VRK2: variants seen among roughly 807,000 people sequenced by gnomAD.
VRK2 encodes the protein serine/threonine-protein kinase VRK2.
In VRK2, 60 loss-of-function variants were observed where a neutral mutation model predicts 57.6. That is an observed-to-expected ratio of 1.04 (90% CI 0.85 to 1.29). VRK2 has a LOEUF of 1.29. Among genes scored for constraint, VRK2 ranks in the 50% most tolerant of loss-of-function variants. The pLI, the probability that VRK2 is intolerant of heterozygous loss-of-function variation, is 0.00. For missense variants in VRK2, 705 were observed against 588.1 expected (o/e 1.20, Z -2.06); for synonymous variants, 231 against 199.2 (o/e 1.16, Z -1.35).
chr2:58,082,304 A>C (rs1208682095), intron 2 of VRK2, among the ~76,000 whole-genome samples: 2 of 151,762 alleles, frequency 1.3e-5, no homozygotes, highest in African/African-American at 4.8e-5. Context: ...ATAATCTGTT[A>C]TTTATCTTTT....
chr2:57,993,876 G>A (rs1270118061), intron 1 of VRK2, among the ~76,000 whole-genome samples: 2 of 152,214 alleles, frequency 1.3e-5, no homozygotes, highest in East Asian at 3.8e-4. Context: ...AAGCTAGCCT[G>A]GAGACAGGGG....
At chr2:58,147,191 T>C (rs746579172) in intron 12 of VRK2, 11 of 517,990 alleles carry the variant, frequency 2.1e-5, no homozygotes, top group African/African-American at 1.7e-4. Flanking sequence ...ATCACTAAAC[T>C]GAGCACTGAA....
chr2:58,070,404 C>A (rs1442218266), intron 2 of VRK2, among the ~76,000 whole-genome samples: 1 of 152,056 alleles, frequency 6.6e-6, no homozygotes, highest in Non-Finnish European at 1.5e-5. Flanking sequence ...ATGTGTCCAC[C>A]ATTACAGTCT....
intron 2 of VRK2, among the ~76,000 whole-genome samples, chr2:58,064,839 AAT>A (rs1668404267): frequency 6.6e-6 from 1 of 152,160 alleles, no homozygotes; most frequent in Admixed American, 6.6e-5. Context: ...TTATTTTAAA[AAT>A]ATGTGTGATT....
intron 8 of VRK2, among the ~76,000 whole-genome samples, chr2:58,131,277 T>TA (rs1382862838): frequency 6.6e-6 from 1 of 150,600 alleles, no homozygotes; most frequent in Non-Finnish European, 1.5e-5. Flanking sequence ...ACCCTTTTTT[T>TA]AATACTGCAC....
chr2:57,943,962 G>A (rs544587248), intron 1 of VRK2, among the ~76,000 whole-genome samples: 1 of 152,274 alleles, frequency 6.6e-6, no homozygotes, highest in Non-Finnish European at 1.5e-5. Flanking sequence ...TAAATGAAAT[G>A]GGTGTATCTG....
intron 2 of VRK2, among the ~76,000 whole-genome samples, chr2:58,054,807 A>G (rs1676275339): frequency 6.6e-6 from 1 of 152,190 alleles, no homozygotes; most frequent in Non-Finnish European, 1.5e-5. Context: ...TTTGTCCCTG[A>G]TAGCTCCATC....
chr2:57,958,309 G>A (rs1275965271), intron 1 of VRK2, among the ~76,000 whole-genome samples: 4 of 151,914 alleles, frequency 2.6e-5, no homozygotes, highest in African/African-American at 9.7e-5. Flanking sequence ...TCCAGAAAAA[G>A]AAATCAAATG....
chr2:58,144,358 T>C (rs1430278705), intron 11 of VRK2, among the ~76,000 whole-genome samples: 2 of 152,104 alleles, frequency 1.3e-5, no homozygotes, highest in Non-Finnish European at 2.9e-5. Context: ...CTGTGTTGTA[T>C]TCTTGAAATC....
intron 2 of VRK2, among the ~76,000 whole-genome samples, chr2:58,073,347 A>C (rs1465636067): frequency 6.6e-6 from 1 of 151,916 alleles, no homozygotes; most frequent in African/African-American, 2.4e-5. Flanking sequence ...TGTCAGTTCA[A>C]CCGTATTCTT....
intron 1 of VRK2, among the ~76,000 whole-genome samples, chr2:57,917,570 C>T (rs931591168): frequency 6.7e-6 from 1 of 149,590 alleles, no homozygotes; most frequent in Non-Finnish European, 1.5e-5. Flanking sequence ...TGGTTTCCTG[C>T]TTTCAACCAA....
At chr2:58,108,810 C>A (rs921306535) in intron 7 of VRK2, among the ~76,000 whole-genome samples, 1 of 152,182 alleles carries the variant, frequency 6.6e-6, no homozygotes, top group African/African-American at 2.4e-5. Context: ...CTATGTGAGG[C>A]ACATGGAAAA....
chr2:58,073,651 TATTTA>T (rs1669662575), intron 2 of VRK2, among the ~76,000 whole-genome samples: 3 of 16,328 alleles, frequency 1.8e-4, no homozygotes, highest in Non-Finnish European at 1.2e-4. Context: ...TATATATATA[TATTTA>T]TATTTATATT....
chr2:58,094,142 A>G lies in VRK2; in HGVS notation c.543+4419A>G, dbSNP rs538857959. ...CTTTTGTCTTAGGATTGTCTTGGCA[A>G]TGCAGGCCCTTTTTTGGTTCCATAT... On this transcript the variant is annotated intron_variant, in intron 7 of 12. Transcript: ENST00000340157. 5.9e-5 allele frequency among the ~76,000 whole-genome samples: 9 copies of G among 152,336 alleles called. No individual in the cohort carries two copies. The South Asian group carries it at 1.9e-3, about 32-fold the overall frequency.
intron 7 of VRK2, among the ~76,000 whole-genome samples, chr2:58,090,840 A>G (rs1420019678): frequency 2.0e-5 from 3 of 152,204 alleles, no homozygotes; most frequent in African/African-American, 7.2e-5. Flanking sequence ...GGATAAACTG[A>G]TACATCCAGA....
rs766540118 is a variant in VRK2, at chr2:58,086,312, T to G, written c.257-27T>G. On this transcript the variant is annotated intron_variant, in intron 4 of 12. Coordinates refer to ENST00000340157, the MANE Select transcript of VRK2 (RefSeq NM_006296.7). ...AGTATCTTTTCAAATAACATGAATC[T>G]TTTTAAAAATAAATTTGTCTTTGTA... 66 of 1,567,102 alleles carry G rather than the reference T, an allele frequency of 4.2e-5. 2 individuals are homozygous for G. In the South Asian group the frequency reaches 7.7e-4, roughly 18 times the overall value.
chr2:58,012,766 A>C (rs1165506618), intron 1 of VRK2, among the ~76,000 whole-genome samples: 1 of 152,250 alleles, frequency 6.6e-6, no homozygotes, highest in Non-Finnish European at 1.5e-5. Context: ...CAGGTATAAA[A>C]AGGACAAAGA....
intron 12 of VRK2, among the ~76,000 whole-genome samples, chr2:58,158,235 A>G (rs1202318676): frequency 6.6e-6 from 1 of 152,206 alleles, no homozygotes; most frequent in East Asian, 1.9e-4. Flanking sequence ...ATAATTATTC[A>G]CTTATTTTGA....
At chr2:57,946,805 T>A (rs1162427640) in intron 1 of VRK2, among the ~76,000 whole-genome samples, 1 of 152,154 alleles carries the variant, frequency 6.6e-6, no homozygotes, top group African/African-American at 2.4e-5. Flanking sequence ...ACTACAGTCA[T>A]GATATCAAAG....
Sources: allele counts gnomAD v4.1 joint callset (sites outside exome capture counted in the v4.1 genomes callset), GRCh38; gene constraint gnomAD v4.1.1; transcripts MANE v1.5; gene names NCBI Gene and HGNC (gene_info 2026-07-23, HGNC 2026-07-21).